Variants in CNTN4 observed in about 807,000 individuals in gnomAD.
CNTN4 encodes contactin 4, also known as contactin-4.
Under a neutral mutation model 122.5 loss-of-function variants are expected in CNTN4, and 77 were observed. That is an observed-to-expected ratio of 0.63 (90% CI 0.52 to 0.76). The LOEUF is 0.76. Ranked by LOEUF, CNTN4 falls within the 30% of genes least tolerant of loss-of-function variation. CNTN4 has a pLI of 0.00. For synonymous variants in CNTN4, 512 were observed against 447.0 expected, an observed-to-expected ratio of 1.15 and a Z score of -1.83; for missense variants, 1,256 against 1,259.1, an observed-to-expected ratio of 1.00 and a Z score of 0.04.
At chr3:2,658,626 C>G (rs2083710560) in intron 4 of CNTN4, among the ~76,000 whole-genome samples, 1 of 152,134 alleles carries the variant, frequency 6.6e-6, no homozygotes, top group Non-Finnish European at 1.5e-5. Flanking sequence ...ATACCCAAAC[C>G]ATGAGCATTT....
At chr3:3,026,335 A>G in intron 15 of CNTN4, 58 bp downstream of exon 15, 1 of 1,408,534 alleles carries the variant, frequency 7.1e-7, no homozygotes, top group Non-Finnish European at 1.0e-6. Context: ...ACTTAACAAT[A>G]TATTTAAAGT....
intron 13 of CNTN4, among the ~76,000 whole-genome samples, chr3:2,947,616 T>C (rs2094693176): frequency 1.3e-5 from 2 of 152,354 alleles, no homozygotes; most frequent in South Asian, 4.1e-4. Flanking sequence ...CTTGTTATTT[T>C]TTGGTTTTTT....
chr3:2,875,662 A>G (rs2093835507), intron 8 of CNTN4, among the ~76,000 whole-genome samples: 1 of 152,174 alleles, frequency 6.6e-6, no homozygotes, highest in Non-Finnish European at 1.5e-5. Flanking sequence ...TACAGAAAAA[A>G]CTTTGTTAAC....
chr3:2,981,326 C>A (rs892443335), intron 13 of CNTN4, among the ~76,000 whole-genome samples: 1 of 151,750 alleles, frequency 6.6e-6, no homozygotes, highest in Non-Finnish European at 1.5e-5. Context: ...CGCCTGTAGT[C>A]CCAGCTACTC....
intron 4 of CNTN4, among the ~76,000 whole-genome samples, chr3:2,634,819 G>T (rs964108381): frequency 6.6e-6 from 1 of 151,734 alleles, no homozygotes; most frequent in Admixed American, 6.6e-5. Flanking sequence ...TCACACCACT[G>T]TACTCCAGCC....
chr3:2,730,130 G>C (rs1576595145), intron 4 of CNTN4, among the ~76,000 whole-genome samples: 1 of 152,020 alleles, frequency 6.6e-6, no homozygotes, highest in Non-Finnish European at 1.5e-5. Flanking sequence ...GTTTTTTGTG[G>C]GGGGTGGCAG....
intron 7 of CNTN4, among the ~76,000 whole-genome samples, chr3:2,863,725 A>G (rs2093694492): frequency 6.6e-6 from 1 of 151,880 alleles, no homozygotes; most frequent in Non-Finnish European, 1.5e-5. Flanking sequence ...TGAGCAAATA[A>G]GTTTGGATGC....
At chr3:2,428,463 T>C (rs1437994520) in intron 3 of CNTN4, among the ~76,000 whole-genome samples, 12 of 152,194 alleles carry the variant, frequency 7.9e-5, no homozygotes, top group Admixed American at 7.9e-4. Context: ...GATGGGCTTC[T>C]CTTAGCGGGT....
chr3:2,449,039 T>C (rs568771760), intron 3 of CNTN4, among the ~76,000 whole-genome samples: 3 of 152,296 alleles, frequency 2.0e-5, no homozygotes, highest in African/African-American at 7.2e-5. Flanking sequence ...GGTCACAGTT[T>C]TCAGAGAGTG....
intron 4 of CNTN4, among the ~76,000 whole-genome samples, chr3:2,616,926 C>T (rs1309666303): frequency 2.0e-5 from 3 of 152,144 alleles, no homozygotes; most frequent in Non-Finnish European, 4.4e-5. Context: ...GCTGGGAAAA[C>T]TGGCTAGCCA....
intron 7 of CNTN4, among the ~76,000 whole-genome samples, chr3:2,822,193 C>T (rs2092890519): frequency 6.6e-6 from 1 of 152,146 alleles, no homozygotes; most frequent in Admixed American, 6.6e-5. Flanking sequence ...TTTCATTTTC[C>T]TTTCAAGTTA....
chr3:2,370,156 C>T (rs1225637352), intron 3 of CNTN4, among the ~76,000 whole-genome samples: 1 of 152,120 alleles, frequency 6.6e-6, no homozygotes, highest in East Asian at 1.9e-4. Context: ...ACTGAATTCA[C>T]AGCCTGAGGC....
intron 4 of CNTN4, among the ~76,000 whole-genome samples, chr3:2,576,282 T>C (rs561224784): frequency 6.6e-6 from 1 of 152,306 alleles, no homozygotes; most frequent in African/African-American, 2.4e-5. Flanking sequence ...ATTTTTCAAA[T>C]GAATGAATGC....
intron 4 of CNTN4, among the ~76,000 whole-genome samples, chr3:2,715,330 A>G (rs1576548469): frequency 6.6e-6 from 1 of 152,242 alleles, no homozygotes; most frequent in East Asian, 1.9e-4. Flanking sequence ...TTTACATTAT[A>G]CAGCCTTATA....
At position 2,984,133 on chromosome 3, in the gene CNTN4, C is replaced by G. The variant is rs181010615; in HGVS notation, c.1359-4212C>G. Among the ~76,000 whole-genome samples, 211 of 152,230 alleles carry G rather than the reference C, an allele frequency of 1.4e-3. 1 individual carries two copies. The highest frequency in any genetic ancestry group is 2.0e-3 in the Non-Finnish European group (139 of 68,016). On this transcript the variant is annotated intron_variant, in intron 13 of 24. Coordinates refer to ENST00000418658, the MANE Select transcript of CNTN4 (RefSeq NM_175607.3). ...CCATAGGAAATTGGATAGGGAAACT[C>G]TGAGGACAAGGGGCAAAGAGAGCCT...
Position 2,876,879 on chromosome 3 carries a change from G to C in CNTN4, c.653-6266G>C, listed in dbSNP as rs546861766. On this transcript the variant is annotated intron_variant, in intron 8 of 24. Transcript: ENST00000418658. ...TAGCCCTTAAGATATGTTTATTAATGTTAGGTGGAACTTCTTGCTTTTGCT... is the reference window on the plus strand; with the variant it reads ...TAGCCCTTAAGATATGTTTATTAATCTTAGGTGGAACTTCTTGCTTTTGCT... Among the ~76,000 whole-genome samples, 4 of 152,288 alleles carry C rather than the reference G, an allele frequency of 2.6e-5. No individual in the cohort carries two copies. The East Asian group carries it at 7.7e-4, about 29-fold the overall frequency.
intron 3 of CNTN4, among the ~76,000 whole-genome samples, chr3:2,446,283 TGGCAC>T (rs2048622648): frequency 6.6e-6 from 1 of 152,170 alleles, no homozygotes; most frequent in South Asian, 2.1e-4. Context: ...ATTCCTGCTG[TGGCAC>T]GGTCCTGTTT....
intron 3 of CNTN4, among the ~76,000 whole-genome samples, chr3:2,492,290 C>T (rs2076339750): frequency 6.6e-6 from 1 of 152,126 alleles, no homozygotes; most frequent in Admixed American, 6.5e-5. Flanking sequence ...TGAGCCCTTC[C>T]TTCTAAACGT....
chr3:2,697,717 A>AG (rs1405067259), intron 4 of CNTN4, among the ~76,000 whole-genome samples: 5 of 151,740 alleles, frequency 3.3e-5, no homozygotes, highest in East Asian at 1.9e-4. Context: ...AGAGAGAGAG[A>AG]AAAAAAAAGA....
Sources: allele counts gnomAD v4.1 joint callset (sites outside exome capture counted in the v4.1 genomes callset), GRCh38; gene constraint gnomAD v4.1.1; transcripts MANE v1.5; gene names NCBI Gene and HGNC (gene_info 2026-07-23, HGNC 2026-07-21).